Variants in CCDC33 observed in about 807,000 individuals in gnomAD.
The protein encoded by CCDC33 is coiled-coil domain-containing protein 33.
Under a neutral mutation model 91.9 loss-of-function variants are expected in CCDC33, and 94 were observed. The ratio of observed to expected loss-of-function variants is 1.02; its 90% CI spans 0.87 to 1.21. CCDC33 has a LOEUF of 1.21. Ranked by LOEUF, CCDC33 falls within the 50% of genes most tolerant of loss-of-function variation. The pLI, the probability that CCDC33 is intolerant of heterozygous loss-of-function variation, is 0.00. For synonymous variants in CCDC33, 396 were observed against 374.5 expected, an observed-to-expected ratio of 1.06 and a Z score of -0.66; for missense variants, 940 against 935.5, an observed-to-expected ratio of 1.00 and a Z score of -0.06.
At chr15:74,325,597 G>A (rs563707212) in intron 11 of CCDC33, among the ~76,000 whole-genome samples, 37 of 152,104 alleles carry the variant, frequency 2.4e-4, no homozygotes, top group Non-Finnish European at 4.9e-4. Context: ...TGTGGACATG[G>A]CCTTCAGCAA....
intron 10 of CCDC33, among the ~76,000 whole-genome samples, chr15:74,292,589 A>T (rs2059605162): frequency 6.6e-6 from 1 of 152,174 alleles, no homozygotes; most frequent in Non-Finnish European, 1.5e-5. Context: ...TCACTATAAA[A>T]TTCACCTCTC....
intron 10 of CCDC33, among the ~76,000 whole-genome samples, chr15:74,283,594 C>T (rs528156393): frequency 1.4e-4 from 21 of 152,132 alleles, no homozygotes; most frequent in South Asian, 4.1e-4. Context: ...AAAATGCTGC[C>T]GAATTCATTT....
intron 1 of CCDC33, among the ~76,000 whole-genome samples, chr15:74,203,939 G>A (rs2074190153): frequency 6.6e-6 from 1 of 152,230 alleles, no homozygotes; most frequent in African/African-American, 2.4e-5. Flanking sequence ...GTTCCCCACA[G>A]AGGAAACAGC....
At chr15:74,334,086 G>A in intron 17 of CCDC33, 119 bp downstream of exon 17, 1 of 875,016 alleles carries the variant, frequency 1.1e-6, no homozygotes, top group Non-Finnish European at 1.7e-6. Flanking sequence ...GGCTTAGTGT[G>A]TGGCCAGGGT....
intron 11 of CCDC33, among the ~76,000 whole-genome samples, chr15:74,322,744 T>C (rs546258407): frequency 6.6e-6 from 1 of 152,274 alleles, no homozygotes; most frequent in Non-Finnish European, 1.5e-5. Context: ...AAGCTGAGTG[T>C]CTGTGGGAGG....
intron 10 of CCDC33, among the ~76,000 whole-genome samples, chr15:74,289,823 C>G (rs948208105): frequency 4.6e-5 from 7 of 152,168 alleles, no homozygotes; most frequent in African/African-American, 1.7e-4. Flanking sequence ...ACCACAGAAC[C>G]TAGTGTTGCC....
intron 11 of CCDC33, among the ~76,000 whole-genome samples, chr15:74,324,345 C>T (rs2060266414): frequency 6.6e-6 from 1 of 152,028 alleles, no homozygotes; most frequent in East Asian, 1.9e-4. Flanking sequence ...TCCACCTGCC[C>T]CTATCTCTGC....
Position 74,244,968 on chromosome 15 carries a change from G to A in CCDC33, c.185+820G>A, listed in dbSNP as rs1003265027. Among the ~76,000 whole-genome samples the A allele has an allele frequency of 1.3e-5, 2 of 152,102 alleles. No homozygotes were observed. Among genetic ancestry groups the A allele is most frequent in the African/African-American group, 4.8e-5 (2 of 41,424 alleles). On this transcript the variant is annotated intron_variant, in intron 2 of 18. Transcript: ENST00000398814. This position sits in a 1 kb window ranked among gnomAD's most constrained non-coding sequence, Gnocchi z 4.2. ...TGGCACCATTCAGTTCCTGCCAAGA[G>A]TCTGTTGCCCACATTTCCTTTTGGG... is the stretch of plus-strand genomic sequence containing the variant.
chr15:74,320,915 C>T (rs1049221933), intron 11 of CCDC33, among the ~76,000 whole-genome samples: 1 of 152,150 alleles, frequency 6.6e-6, no homozygotes, highest in African/African-American at 2.4e-5. Context: ...GTTCTATTGT[C>T]CTTCAGTGGC....
At position 74,218,564 on chromosome 15, in the gene CCDC33, C is replaced by T; in HGVS notation, c.378C>T (p.Pro126=). 1 of 1,289,690 alleles carries T rather than the reference C, an allele frequency of 7.8e-7. No homozygotes were observed. Among genetic ancestry groups the T allele is most frequent in the East Asian group, 5.5e-5 (1 of 18,038 alleles). The allele number at this position is 1,289,690 out of a possible 1,614,324, so 79.9% of individuals were successfully genotyped here. A position where few individuals can be genotyped will look rare whatever the true frequency, so the allele number is the denominator to read the frequency against. ...TGGAGGCACTGAGGCTGGACGAACC[C>T]TTGGGACGGGCAGCCCAGCGGGTGG... Residue 126 remains proline, a synonymous_variant, in exon 2 of 3, where the codon CCC becomes CCT. Coordinates refer to the CCDC33 transcript ENST00000635913. This position sits in a 1 kb window ranked among gnomAD's most constrained non-coding sequence, Gnocchi z 4.8.
At chr15:74,211,999 C>G (rs531523417) in intron 2 of CCDC33, 1 of 152,726 alleles carries the variant, frequency 6.5e-6, no homozygotes, top group African/African-American at 2.4e-5. Context: ...TGTGTCTCTC[C>G]TCCTAAAGGT....
intron 2 of CCDC33, among the ~76,000 whole-genome samples, chr15:74,226,281 A>T (rs168433): frequency 0.99 from 150,717 of 152,280 alleles, 74,610 homozygotes; most frequent in East Asian, 1. Flanking sequence ...CAGAAGACTT[A>T]GTTTAGAACC....
At chr15:74,321,090 T>G (rs1285157211) in intron 11 of CCDC33, among the ~76,000 whole-genome samples, 1 of 152,056 alleles carries the variant, frequency 6.6e-6, no homozygotes, top group Non-Finnish European at 1.5e-5. Context: ...AGGCACAACC[T>G]CCATCCTCCC....
intron 7 of CCDC33, among the ~76,000 whole-genome samples, chr15:74,275,416 C>T (rs1173672137): frequency 6.6e-6 from 1 of 152,256 alleles, no homozygotes; most frequent in African/African-American, 2.4e-5. Flanking sequence ...GCCAGCCTCA[C>T]CACTGCCCTT....
chr15:74,333,612 C>A (rs1416161659), intron 16 of CCDC33, among the ~76,000 whole-genome samples: 2 of 152,186 alleles, frequency 1.3e-5, no homozygotes, highest in African/African-American at 4.8e-5. Context: ...TTATAGGGGG[C>A]TCCCTAATGC....
chr15:74,288,608 C>T (rs1431072998), intron 10 of CCDC33, among the ~76,000 whole-genome samples: 1 of 152,228 alleles, frequency 6.6e-6, no homozygotes, highest in Non-Finnish European at 1.5e-5. Flanking sequence ...TGCCTCCCTG[C>T]TGTTCTATAC....
chr15:74,304,228 A>G (rs1434904865), intron 11 of CCDC33: 1 of 152,212 alleles, frequency 6.6e-6, no homozygotes, highest in African/African-American at 2.4e-5. Context: ...TAACAAGAGA[A>G]TGAGGGGCAA....
intron 7 of CCDC33, 106 bp from the exon 8 acceptor site, chr15:74,279,857 A>G: frequency 6.8e-7 from 1 of 1,464,448 alleles, no homozygotes; most frequent in South Asian, 1.3e-5. Flanking sequence ...TATAGTTGGG[A>G]GAAACATTTG....
chr15:74,335,931 C>T lies in CCDC33; in HGVS notation c.2146C>T (p.Leu716Phe). 1.2e-6 allele frequency: 2 copies of T among 1,613,536 alleles called. No homozygotes were observed. The highest frequency in any genetic ancestry group is 1.7e-6 in the Non-Finnish European group (2 of 1,179,748). The change falls in exon 19 of 19, where the codon CTC (leucine) becomes TTC (phenylalanine). Residue 716 changes from leucine (L) to phenylalanine (F), a missense_variant. Transcript: ENST00000398814. ...CCCGCTTTGCACACCACAGAGTGCC[C>T]TCACCCACTCCATGGACCTCAAGCA... ...NSIIIEQPSA[L>F]THSMDLKQPS...
Sources: allele counts gnomAD v4.1 joint callset (sites outside exome capture counted in the v4.1 genomes callset), GRCh38; gene constraint gnomAD v4.1.1; non-coding constraint Gnocchi (gnomAD v3.1); transcripts MANE v1.5; gene names NCBI Gene and HGNC (gene_info 2026-07-23, HGNC 2026-07-21).